The following CHRM5 variants were observed in gnomAD, a reference collection of about 807,000 sequenced individuals.
CHRM5 encodes muscarinic acetylcholine receptor M5.
Under a neutral mutation model 39.0 loss-of-function variants are expected in CHRM5, and 18 were observed. The ratio of observed to expected loss-of-function variants is 0.46; its 90% confidence interval spans 0.32 to 0.68. CHRM5 has a LOEUF of 0.68. Ranked by LOEUF, CHRM5 falls within the 30% of genes least tolerant of loss-of-function variation. CHRM5 has a pLI of 0.04. For synonymous variants in CHRM5, 241 were observed against 246.3 expected (o/e 0.98, Z 0.20); for missense variants, 515 against 651.1 (o/e 0.79, Z 2.28).
At chr15:34,039,076 G>A in intron 1 of CHRM5, 1 of 1,083,834 alleles carries the variant, frequency 9.2e-7, no homozygotes, top group Non-Finnish European at 1.1e-6. Context: ...CTGAGCGCGC[G>A]GGAGCCGAGC....
chr15:33,970,550 G>C (rs1224135232), intron 1 of CHRM5, among the ~76,000 whole-genome samples: 3 of 151,668 alleles, frequency 2.0e-5, no homozygotes, highest in Non-Finnish European at 2.9e-5. Context: ...AACCCTTAAG[G>C]GTTCTTTTCA....
chr15:34,039,984 G>A (rs1387603786), intron 1 of CHRM5, among the ~76,000 whole-genome samples: 2 of 152,154 alleles, frequency 1.3e-5, no homozygotes, highest in Non-Finnish European at 2.9e-5. Flanking sequence ...TTTAACTTGG[G>A]ACTGAAACCA....
rs1900428991 is a variant in CHRM5 at position 34,063,719 on chromosome 15, G to A, written c.1002G>A (p.Gly334=). 2 of 1,614,052 alleles carry A rather than the reference G, an allele frequency of 1.2e-6. No homozygotes were observed. Among genetic ancestry groups the A allele is most frequent in the East Asian group, 2.2e-5 (1 of 44,892 alleles). Residue 334 remains glycine, a synonymous_variant, in exon 3 of 3, where the codon GGG becomes GGA. Transcript: ENST00000383263. This position sits in a 1 kb window ranked among gnomAD's most constrained non-coding sequence, Gnocchi z 4.1. ...VYKSQGKESP[G]EEFSAEETEE... Reference sequence around the variant, plus strand: ...AGAGTCAGGGTAAGGAAAGCCCAGGGGAAGAATTCAGTGCTGAAGAGACTG... The same window carrying A: ...AGAGTCAGGGTAAGGAAAGCCCAGGAGAAGAATTCAGTGCTGAAGAGACTG...
chr15:34,050,713 C>T (rs115653797), intron 2 of CHRM5, among the ~76,000 whole-genome samples: 3,919 of 151,984 alleles, frequency 0.026, 171 homozygotes, highest in African/African-American at 0.088. Flanking sequence ...TAGTTTCTGA[C>T]AAAACAGACT....
At chr15:34,053,546 T>C in intron 2 of CHRM5, among the ~76,000 whole-genome samples, 1 of 151,836 alleles carries the variant, frequency 6.6e-6, no homozygotes, top group Admixed American at 6.6e-5. Flanking sequence ...ACATCTGATC[T>C]TTGACAAACC....
chr15:34,040,410 T>C (rs964035550), intron 1 of CHRM5, among the ~76,000 whole-genome samples: 3 of 151,904 alleles, frequency 2.0e-5, no homozygotes, highest in Admixed American at 1.3e-4. Flanking sequence ...TAAATGGGAG[T>C]AGGGGCGCCT....
intron 1 of CHRM5, chr15:34,038,710 T>C: frequency 9.0e-7 from 1 of 1,113,418 alleles, no homozygotes; most frequent in Non-Finnish European, 1.1e-6. Context: ...TTGCGGCTCT[T>C]GACTGGCGGC....
intron 1 of CHRM5, among the ~76,000 whole-genome samples, chr15:33,981,879 G>A (rs1427309805): frequency 3.3e-5 from 5 of 152,006 alleles, no homozygotes; most frequent in Non-Finnish European, 5.9e-5. Context: ...CTGTTGCCCA[G>A]GCTGGAGTGC....
chr15:34,028,326 A>G (rs1356612232), intron 1 of CHRM5, among the ~76,000 whole-genome samples: 1 of 152,216 alleles, frequency 6.6e-6, no homozygotes. Context: ...GCACTTTGGG[A>G]AGCCAAGGCA....
At position 34,047,357 on chromosome 15, in the gene CHRM5, G is replaced by C. The variant is rs966746043; in HGVS notation, c.-76+486G>C. 2.0e-5 allele frequency among the ~76,000 whole-genome samples: 3 copies of C among 152,238 alleles called. No homozygotes were observed. The South Asian group carries it at 6.2e-4, about 32-fold the overall frequency. ...CTCCCAAAGTGCTGGGATTACAGGC[G>C]TGAGCCACCGTGCCCGGCGGAGACC... On this transcript the variant is annotated intron_variant, in intron 2 of 2. Transcript: ENST00000383263.
At chr15:33,980,350 C>G (rs920936006) in intron 1 of CHRM5, among the ~76,000 whole-genome samples, 1 of 152,150 alleles carries the variant, frequency 6.6e-6, no homozygotes, top group Non-Finnish European at 1.5e-5. Context: ...TTGACAAGAC[C>G]TCAGTGCAAC....
intron 1 of CHRM5, chr15:34,007,154 G>C (rs1485202120): frequency 1.9e-6 from 1 of 533,798 alleles, no homozygotes; most frequent in African/African-American, 2.1e-5. Flanking sequence ...CTATTATCTT[G>C]TCCAATGACA....
rs1191007323 is a variant in CHRM5 at position 33,968,629 on chromosome 15, C to T, written c.-929C>T. 2.6e-5 allele frequency: 4 copies of T among 152,084 alleles called. No individual in the cohort carries two copies. The highest frequency in any genetic ancestry group is 4.4e-5 in the Non-Finnish European group (3 of 67,974). 9.4% of individuals were successfully genotyped at this position (152,084 alleles called of 1,614,324 possible). On this transcript the variant is annotated 5_prime_UTR_variant, in exon 1 of 3. Coordinates refer to ENST00000383263, the MANE Select transcript of CHRM5 (RefSeq NM_012125.4). ...AAGCATGAGGAGGACAGAAGAAATG[C>T]CTTCATCTTCTACAGAAAGGAAGCT...
intron 1 of CHRM5, among the ~76,000 whole-genome samples, chr15:34,035,993 G>A (rs910709648): frequency 3.9e-5 from 6 of 151,904 alleles, no homozygotes; most frequent in Non-Finnish European, 7.4e-5. Flanking sequence ...AGGGGGTCTC[G>A]TTATGTTGCC....
At chr15:34,052,520 T>C (rs960173109) in intron 2 of CHRM5, among the ~76,000 whole-genome samples, 1 of 152,180 alleles carries the variant, frequency 6.6e-6, no homozygotes, top group Non-Finnish European at 1.5e-5. Flanking sequence ...GAGAAAGAAA[T>C]GAAGCATATT....
In CHRM5 at chr15:34,063,895, C is replaced by A. The variant is rs375883438; in HGVS notation, c.1178C>A (p.Thr393Asn). Residue 393 changes from threonine (T) to asparagine (N), a missense_variant, in exon 3 of 3, where the codon ACC becomes AAC. Thr to Asn is a moderately conservative substitution (Grantham distance 65, BLOSUM62 0). Transcript: ENST00000383263. The surrounding 1 kb of genome is among the most constrained non-coding windows in gnomAD (Gnocchi z 4.1). Reference sequence around the variant, plus strand: ...GTAAAAGCTGACGGGAACCAGGAGACCAACAATGGCTGTCACAAGGTGAAA... The same window carrying A: ...GTAAAAGCTGACGGGAACCAGGAGAACAACAATGGCTGTCACAAGGTGAAA... ...LVVKADGNQE[T>N]NNGCHKVKIM... 6.2e-7 allele frequency: 1 copy of A among 1,614,212 alleles called. No homozygotes were observed. Among genetic ancestry groups the A allele is most frequent in the Admixed American group, 1.7e-5 (1 of 60,024 alleles).
chr15:34,063,660 C>A lies in CHRM5; in HGVS notation c.943C>A (p.Pro315Thr), dbSNP rs1900426035. ...SYPSSEDEDK[P>T]ATDPVLQVVY... ...CCCTTCCTCAGAGGATGAGGACAAG[C>A]CCGCCACTGACCCTGTCCTCCAAGT... The change falls in exon 3 of 3, where the codon CCC becomes ACC. Residue 315 changes from proline to threonine, a missense_variant. Pro to Thr is a conservative substitution (Grantham distance 38, BLOSUM62 -1). Transcript: ENST00000383263. This position sits in a 1 kb window ranked among gnomAD's most constrained non-coding sequence, Gnocchi z 4.1. The A allele has an allele frequency of 6.2e-7, 1 of 1,614,026 alleles. No homozygotes were observed. The highest frequency in any genetic ancestry group is 1.3e-5 in the African/African-American group (1 of 74,914).
chr15:34,002,194 G>A (rs185666314), intron 1 of CHRM5, among the ~76,000 whole-genome samples: 1 of 152,236 alleles, frequency 6.6e-6, no homozygotes, highest in East Asian at 1.9e-4. Flanking sequence ...GCACACGTGT[G>A]TATATTAAGT....
At chr15:34,032,863 C>T (rs1898927259) in intron 1 of CHRM5, among the ~76,000 whole-genome samples, 1 of 152,204 alleles carries the variant, frequency 6.6e-6, no homozygotes, top group Non-Finnish European at 1.5e-5. Context: ...GTAATATGTC[C>T]TTTTGCAAAT....
Sources: allele counts gnomAD v4.1 joint callset (sites outside exome capture counted in the v4.1 genomes callset), GRCh38; gene constraint gnomAD v4.1.1; non-coding constraint Gnocchi (gnomAD v3.1); transcripts MANE v1.5; gene names NCBI Gene and HGNC (gene_info 2026-07-23, HGNC 2026-07-21).